CACNA2D1: variants seen among roughly 807,000 people sequenced by gnomAD.
CACNA2D1 encodes voltage-dependent calcium channel subunit alpha-2/delta-1.
In CACNA2D1, 53 loss-of-function variants were observed where a neutral mutation model predicts 171.5. That is an observed-to-expected ratio of 0.31 (90% CI 0.25 to 0.39). The LOEUF (loss-of-function observed/expected upper bound fraction) is 0.39, where lower values mean the gene tolerates loss of function less well. CACNA2D1 is among the 10% of genes least tolerant of loss of function. The probability of loss-of-function intolerance (pLI) is 1.00; values close to 1 mark genes in which losing one functional copy is unlikely to be tolerated. For missense variants in CACNA2D1, 903 were observed against 1,299.8 expected (o/e 0.69, Z 4.69); for synonymous variants, 442 against 443.1 (o/e 1.00, Z 0.03).
rs541590382 is a variant in CACNA2D1 at position 82,166,546 on chromosome 7, A to C, written c.354+4004T>G. Among the ~76,000 whole-genome samples the C allele has an allele frequency of 9.9e-5, 15 of 152,192 alleles. 1 individual carries two copies. The highest frequency in any genetic ancestry group is 3.6e-4 in the African/African-American group (15 of 41,562). On this transcript the variant is annotated intron_variant, in intron 4 of 38. Coordinates refer to ENST00000356860, the MANE Select transcript of CACNA2D1 (RefSeq NM_000722.4). ...TTTAGTTAACCAACCATTGCAATGC[A>C]ATCAAATGAGATTTGAAATGCAATT...
chr7:82,314,725 C>T (rs187039512), intron 3 of CACNA2D1, among the ~76,000 whole-genome samples: 71 of 151,940 alleles, frequency 4.7e-4, no homozygotes, highest in African/African-American at 1.6e-3. Flanking sequence ...CCCTTCTCTC[C>T]GGACTAAAAA....
chr7:82,329,264 G>C (rs2129443448), intron 3 of CACNA2D1, among the ~76,000 whole-genome samples: 1 of 152,186 alleles, frequency 6.6e-6, no homozygotes, highest in Non-Finnish European at 1.5e-5. Context: ...TCAATATCAA[G>C]GTTGAATTAA....
chr7:82,387,491 C>A (rs1043082429), intron 1 of CACNA2D1, among the ~76,000 whole-genome samples: 2 of 152,110 alleles, frequency 1.3e-5, no homozygotes, highest in Non-Finnish European at 1.5e-5. Flanking sequence ...CCAAATTTAA[C>A]GTGTCTTTAA....
Position 82,119,999 on chromosome 7 carries a change from T to G in CACNA2D1, c.397-2826A>C, listed in dbSNP as rs1002410269. On this transcript the variant is annotated intron_variant, in intron 5 of 38. Transcript: ENST00000356860. ...GAGTTCAAGAACATCCTGGACAACATAGTGAGGCCCTCATCTCTACAAAAA... is the reference window on the plus strand; with the variant it reads ...GAGTTCAAGAACATCCTGGACAACAGAGTGAGGCCCTCATCTCTACAAAAA... Among the ~76,000 whole-genome samples the G allele has an allele frequency of 2.0e-5, 3 of 152,026 alleles. No homozygotes were observed. In the East Asian group the frequency reaches 5.8e-4, roughly 29 times the overall value.
intron 10 of CACNA2D1, among the ~76,000 whole-genome samples, chr7:82,047,593 T>A (rs1281741928): frequency 1.3e-5 from 2 of 152,108 alleles, no homozygotes; most frequent in Non-Finnish European, 2.9e-5. Flanking sequence ...AATTCTGACA[T>A]CCATCTAGTA....
intron 1 of CACNA2D1, among the ~76,000 whole-genome samples, chr7:82,366,525 T>C (rs539685106): frequency 1.3e-5 from 2 of 152,344 alleles, no homozygotes; most frequent in East Asian, 3.9e-4. Flanking sequence ...TGACCTCCAG[T>C]TGCATCCATG....
intron 3 of CACNA2D1, among the ~76,000 whole-genome samples, chr7:82,284,913 AT>A (rs557375712): frequency 6.6e-5 from 10 of 150,422 alleles, no homozygotes; most frequent in East Asian, 3.9e-4. Flanking sequence ...TTACGCATCC[AT>A]TTTTTTTTTA....
chr7:82,397,928 G>A (rs867215458), intron 1 of CACNA2D1, among the ~76,000 whole-genome samples: 3 of 151,976 alleles, frequency 2.0e-5, no homozygotes, highest in African/African-American at 7.3e-5. Flanking sequence ...GAGCAAACTG[G>A]GTGCTGGAAC....
In CACNA2D1 at chr7:82,031,973, A is replaced by G. The variant is rs142862767; in HGVS notation, c.1143+824T>C. Among the ~76,000 whole-genome samples the G allele has an allele frequency of 3.7e-3, 558 of 152,100 alleles. 13 individuals are homozygous for G. The highest frequency in any genetic ancestry group is 0.031 in the Admixed American group (473 of 15,226). ...CACCAGAAAGAGTTTATAATTTCTC[A>G]TTACTTTTTAAATGAATCATTAGCA... is the stretch of plus-strand genomic sequence containing the variant. On this transcript the variant is annotated intron_variant, in intron 12 of 38. Transcript: ENST00000356860.
chr7:82,185,755 A>G (rs906009126), intron 3 of CACNA2D1, among the ~76,000 whole-genome samples: 1 of 152,154 alleles, frequency 6.6e-6, no homozygotes, highest in African/African-American at 2.4e-5. Context: ...AGCAGATGAG[A>G]TGTTCTTTTA....
chr7:82,439,878 T>G (rs1044720951), intron 1 of CACNA2D1, among the ~76,000 whole-genome samples: 1 of 151,860 alleles, frequency 6.6e-6, no homozygotes, highest in Non-Finnish European at 1.5e-5. Flanking sequence ...TATCTCATAA[T>G]TGATCATATG....
intron 3 of CACNA2D1, among the ~76,000 whole-genome samples, chr7:82,330,402 A>G (rs1393422400): frequency 6.6e-6 from 1 of 152,140 alleles, no homozygotes. Flanking sequence ...AATTTCACCA[A>G]AAAACCCTCC....
chr7:82,073,655 C>T (rs1297152010), intron 7 of CACNA2D1, among the ~76,000 whole-genome samples: 7 of 152,100 alleles, frequency 4.6e-5, no homozygotes, highest in Admixed American at 4.6e-4. Context: ...GGCGTGAGTG[C>T]AATGGTGCAA....
At chr7:82,001,607 T>C in intron 18 of CACNA2D1, 3 of 625,280 alleles carry the variant, frequency 4.8e-6, no homozygotes, top group Middle Eastern at 6.1e-4. Flanking sequence ...AATCCCAACT[T>C]GGATTTAGCA....
intron 5 of CACNA2D1, among the ~76,000 whole-genome samples, chr7:82,119,019 A>G (rs1035882813): frequency 2.6e-5 from 4 of 152,044 alleles, no homozygotes; most frequent in African/African-American, 9.7e-5. Flanking sequence ...TTATGGCAGT[A>G]TATTTTTAAT....
chr7:82,245,776 ATTAAAGATACATGTATG>A (rs1390073579), intron 3 of CACNA2D1, among the ~76,000 whole-genome samples: 2 of 152,144 alleles, frequency 1.3e-5, no homozygotes, highest in Non-Finnish European at 2.9e-5. Context: ...AACTGGTAAC[ATTAAAGATACATGTATG>A]TTATGGTTTC....
chr7:82,369,295 T>A (rs1822100315), intron 1 of CACNA2D1, among the ~76,000 whole-genome samples: 1 of 151,924 alleles, frequency 6.6e-6, no homozygotes, highest in Non-Finnish European at 1.5e-5. Flanking sequence ...TTAATTCTAT[T>A]ACCTGAATAA....
chr7:82,410,581 G>T (rs773300390), intron 1 of CACNA2D1: 26 of 934,350 alleles, frequency 2.8e-5, no homozygotes, highest in Non-Finnish European at 3.3e-5. Flanking sequence ...CGACACTTAG[G>T]AAGTCCCTCA....
chr7:82,166,341 T>C (rs1195881432), intron 4 of CACNA2D1, among the ~76,000 whole-genome samples: 7 of 151,974 alleles, frequency 4.6e-5, no homozygotes, highest in Non-Finnish European at 2.9e-5. Context: ...AAGGGACTCT[T>C]CAAATGTTTT....
Sources: gnomAD v4.1 joint callset for allele counts (sites outside exome capture counted in the v4.1 genomes callset) on GRCh38, gnomAD v4.1.1 for gene constraint, MANE v1.5 for transcripts, NCBI Gene and HGNC (gene_info 2026-07-23, HGNC 2026-07-21) for gene names.